EXOC5: variants seen among roughly 807,000 people sequenced by gnomAD.
EXOC5 encodes the protein SEC10-like 1.
A neutral mutation model predicts 90.8 loss-of-function variants in EXOC5; 17 were observed. The observed-to-expected ratio is 0.19, with a 90% CI of 0.13 to 0.28. The LOEUF (loss-of-function observed/expected upper bound fraction) is 0.28. Among genes scored for constraint, EXOC5 ranks in the 10% least tolerant of loss-of-function variants. EXOC5 has a pLI of 1.00. For missense variants in EXOC5, 569 were observed against 830.6 expected, an observed-to-expected ratio of 0.69 and a Z score of 3.87; for synonymous variants, 260 against 270.0, an observed-to-expected ratio of 0.96 and a Z score of 0.36.
intron 1 of EXOC5, among the ~76,000 whole-genome samples, chr14:57,248,929 G>A (rs1333447352): frequency 6.6e-6 from 1 of 152,054 alleles, no homozygotes; most frequent in South Asian, 2.1e-4. Context: ...GAGTGGATGC[G>A]AATCTAAAGA....
chr14:57,233,889 C>T lies in EXOC5; in HGVS notation c.715-6G>A. The T allele has an allele frequency of 6.2e-7, 1 of 1,608,888 alleles. No individual in the cohort carries two copies. Among genetic ancestry groups the T allele is most frequent in the Non-Finnish European group, 8.5e-7 (1 of 1,175,984 alleles). ...TCATTTCTCAAATAAGCACCCTAAA[C>T]AGCAGAGACATTTTATACAGTGAAC... is the stretch of plus-strand genomic sequence containing the variant. On this transcript the variant is annotated splice_region_variant and splice_polypyrimidine_tract_variant and intron_variant, in intron 8 of 17. Transcript: ENST00000621441.
Position 57,222,300 on chromosome 14 carries a change from A to G in EXOC5, c.1405+8T>C. The G allele has an allele frequency of 1.5e-6, 2 of 1,357,642 alleles. No homozygotes were observed. Among genetic ancestry groups the G allele is most frequent in the Non-Finnish European group, 2.1e-6 (2 of 963,990 alleles). 84.1% of individuals were successfully genotyped at this position (1,357,642 alleles called of 1,614,324 possible). On this transcript the variant is annotated splice_region_variant and intron_variant, in intron 13 of 17. Coordinates refer to ENST00000621441, the MANE Select transcript of EXOC5 (RefSeq NM_006544.4). ...AATTTAACACAAGTGTAACACAAATATACTTACCAGCAAGTCCTGTTTCCA... is the reference window on the plus strand; with the variant it reads ...AATTTAACACAAGTGTAACACAAATGTACTTACCAGCAAGTCCTGTTTCCA...
intron 4 of EXOC5, among the ~76,000 whole-genome samples, chr14:57,240,733 T>G (rs1883834599): frequency 6.6e-6 from 1 of 152,242 alleles, no homozygotes; most frequent in Non-Finnish European, 1.5e-5. Flanking sequence ...TAGTTCTCAG[T>G]TTTACTTTGG....
chr14:57,237,253 T>C, intron 6 of EXOC5, 85 bp downstream of exon 6: 1 of 769,244 alleles, frequency 1.3e-6, no homozygotes, highest in East Asian at 2.8e-5. Context: ...ACATTGTTCC[T>C]GCTTTTTCTC....
Position 57,254,528 on chromosome 14 carries a change from G to A in EXOC5, c.28-6816C>T, listed in dbSNP as rs1884289590. 2.6e-5 allele frequency among the ~76,000 whole-genome samples: 4 copies of A among 152,084 alleles called. No homozygotes were observed. In the South Asian group the frequency reaches 8.3e-4, roughly 32 times the overall value. The stretch of plus-strand genomic sequence containing the variant: ...GCCACCTTACACAGGAAATGGCAAA[G>A]GGCCTAGCTATCAGAGAAGTAAGTT... On this transcript the variant is annotated intron_variant, in intron 1 of 17. Transcript: ENST00000621441.
intron 8 of EXOC5, 46 bp downstream of exon 8, chr14:57,233,942 A>G (rs1351894052): frequency 6.3e-7 from 1 of 1,594,412 alleles, no homozygotes; most frequent in East Asian, 2.2e-5. Context: ...TTTTAAAACA[A>G]CAATTAGCAT....
rs2139600148 is a variant in EXOC5, at chr14:57,204,919, C to G, written c.*3690G>C. The G allele has an allele frequency of 6.6e-6, 1 of 152,092 alleles. No homozygotes were observed. Among genetic ancestry groups the G allele is most frequent in the South Asian group, 2.1e-4 (1 of 4,820 alleles). 9.4% of individuals were successfully genotyped at this position (152,092 alleles called of 1,614,324 possible). A position where few individuals can be genotyped will look rare whatever the true frequency, so the allele number is the denominator to read the frequency against. On this transcript the variant is annotated 3_prime_UTR_variant, in exon 18 of 18. Coordinates refer to ENST00000621441, the MANE Select transcript of EXOC5 (RefSeq NM_006544.4). ...GATTAAGCAAAACTAATGAACCTAT[C>G]AAACTAAAGGATCTATTTAACGTTA...
At chr14:57,250,328 G>A (rs1884154243) in intron 1 of EXOC5, among the ~76,000 whole-genome samples, 1 of 152,086 alleles carries the variant, frequency 6.6e-6, no homozygotes, top group South Asian at 2.1e-4. Context: ...CTTATAGGAT[G>A]TACTATGATA....
chr14:57,244,200 C>A lies in EXOC5; in HGVS notation c.430G>T (p.Glu144Ter). Residue 144 changes from glutamate (E) to a stop codon, truncating the protein, a stop_gained, in exon 4 of 18, where the codon GAA becomes TAA. Transcript: ENST00000621441. LOFTEE classifies it high-confidence loss of function. ...TTTGTAAAAACATCAGATTTCAATT[C>A]TCCATCTAGAAACTCATTAAAGTAT... ...MKYFNEFLDG[E>*]LKSDVFTNSE... 6.2e-7 allele frequency: 1 copy of A among 1,613,766 alleles called. No homozygotes were observed. The highest frequency in any genetic ancestry group is 8.5e-7 in the Non-Finnish European group (1 of 1,179,724).
chr14:57,225,718 T>C (rs1382427065), intron 12 of EXOC5, among the ~76,000 whole-genome samples: 1 of 152,222 alleles, frequency 6.6e-6, no homozygotes, highest in East Asian at 1.9e-4. Context: ...AGGACATTCC[T>C]ATGACACAGT....
At chr14:57,262,034 A>C (rs1336193046) in intron 1 of EXOC5, among the ~76,000 whole-genome samples, 1 of 152,080 alleles carries the variant, frequency 6.6e-6, no homozygotes, top group Admixed American at 6.5e-5. Context: ...CCCTTTTTGT[A>C]ATCCTCTCCT....
intron 9 of EXOC5, 23 bp from the exon 10 acceptor site, chr14:57,232,772 C>T: frequency 9.1e-7 from 1 of 1,095,918 alleles, no homozygotes; most frequent in South Asian, 1.4e-5. Flanking sequence ...GGTTAACATT[C>T]TGTTAATTAG....
chr14:57,239,689 T>C, intron 4 of EXOC5, 30 bp from the exon 5 acceptor site: 1 of 1,388,982 alleles, frequency 7.2e-7, no homozygotes, highest in African/African-American at 1.5e-5. Context: ...AGCAATAATT[T>C]AAAAAACTTT....
chr14:57,250,151 G>A (rs570882715), intron 1 of EXOC5, among the ~76,000 whole-genome samples: 1 of 152,274 alleles, frequency 6.6e-6, no homozygotes, highest in South Asian at 2.1e-4. Context: ...TCTGTATGCA[G>A]CTAAGTAATA....
At chr14:57,248,334 A>C (rs1269623832) in intron 1 of EXOC5, among the ~76,000 whole-genome samples, 2 of 152,026 alleles carry the variant, frequency 1.3e-5, no homozygotes, top group Non-Finnish European at 2.9e-5. Context: ...AGCATTATGT[A>C]TATTACTAAG....
At chr14:57,229,202 C>T (rs1883402621) in intron 12 of EXOC5, among the ~76,000 whole-genome samples, 2 of 152,136 alleles carry the variant, frequency 1.3e-5, no homozygotes, top group African/African-American at 4.8e-5. Flanking sequence ...GTTATATTCA[C>T]ATTTATTCCT....
At chr14:57,268,565 A>G in intron 1 of EXOC5, 57 bp downstream of exon 1, 10 of 1,554,512 alleles carry the variant, frequency 6.4e-6, no homozygotes, top group Non-Finnish European at 7.8e-6. Context: ...CGGCCCGCCC[A>G]CCCAGCTGCC....
In EXOC5 at chr14:57,208,410, A is replaced by G. The variant is rs1882722312; in HGVS notation, c.*199T>C. ...AAATTCAATGTGAGGGGAAAAAAGC[A>G]AAATATAGCTAGTGGTATCCAAACT... is the stretch of plus-strand genomic sequence containing the variant. On this transcript the variant is annotated 3_prime_UTR_variant, in exon 18 of 18. Coordinates refer to ENST00000621441, the MANE Select transcript of EXOC5 (RefSeq NM_006544.4). 18 of 407,294 alleles carry G rather than the reference A, an allele frequency of 4.4e-5. No individual in the cohort carries two copies. The East Asian group carries it at 6.1e-4, about 14-fold the overall frequency. 25.2% of individuals were successfully genotyped at this position (407,294 alleles called of 1,614,324 possible). A position where few individuals can be genotyped will look rare whatever the true frequency, so the allele number is the denominator to read the frequency against.
intron 12 of EXOC5, among the ~76,000 whole-genome samples, chr14:57,227,268 A>G (rs1883335940): frequency 6.6e-6 from 1 of 152,152 alleles, no homozygotes; most frequent in African/African-American, 2.4e-5. Context: ...ACACACTATT[A>G]GTTTGGCAGC....
Sources: gnomAD v4.1 joint callset for allele counts (sites outside exome capture counted in the v4.1 genomes callset) on GRCh38, gnomAD v4.1.1 for gene constraint, MANE v1.5 for transcripts, NCBI Gene and HGNC (gene_info 2026-07-23, HGNC 2026-07-21) for gene names.